Variants in CHN2 observed in about 807,000 individuals in gnomAD.
The protein encoded by CHN2 is beta-chimaerin.
In CHN2, 35 loss-of-function variants were observed where a neutral mutation model predicts 56.3. The ratio of observed to expected loss-of-function variants is 0.62; its 90% CI spans 0.47 to 0.82. CHN2 has a LOEUF of 0.82. CHN2 is among the 40% of genes least tolerant of loss of function. The pLI, the probability that CHN2 is intolerant of heterozygous loss-of-function variation, is 0.00. For missense variants in CHN2, 491 were observed against 580.5 expected, an observed-to-expected ratio of 0.85 and a Z score of 1.58; for synonymous variants, 210 against 212.8, an observed-to-expected ratio of 0.99 and a Z score of 0.12.
chr7:29,319,989 G>A (rs1795221916), intron 1 of CHN2, among the ~76,000 whole-genome samples: 1 of 152,144 alleles, frequency 6.6e-6, no homozygotes, highest in Admixed American at 6.5e-5. Context: ...TGTAAAGTGG[G>A]GAATTGATGA....
chr7:29,334,082 C>T (rs544173872), intron 1 of CHN2, among the ~76,000 whole-genome samples: 51 of 138,784 alleles, frequency 3.7e-4, no homozygotes, highest in African/African-American at 1.4e-3. Flanking sequence ...GACTGAGTCT[C>T]CCTCCATTGC....
chr7:29,254,374 A>ATT (rs1212035202), intron 1 of CHN2, among the ~76,000 whole-genome samples: 8 of 152,378 alleles, frequency 5.3e-5, no homozygotes, highest in African/African-American at 1.9e-4. Flanking sequence ...GATATAAAAC[A>ATT]TATTCAAAGT....
intron 1 of CHN2, among the ~76,000 whole-genome samples, chr7:29,206,640 A>C (rs1784543368): frequency 6.6e-6 from 1 of 152,136 alleles, no homozygotes. Flanking sequence ...GAGCAGAATC[A>C]CATGAATTTA....
chr7:29,473,350 C>G (rs1164405095), intron 6 of CHN2, among the ~76,000 whole-genome samples: 1 of 152,076 alleles, frequency 6.6e-6, no homozygotes, highest in Non-Finnish European at 1.5e-5. Flanking sequence ...AGTCTCAATT[C>G]TAAGAGCACA....
intron 1 of CHN2, among the ~76,000 whole-genome samples, chr7:29,342,835 G>T (rs904020104): frequency 5.9e-5 from 9 of 152,196 alleles, no homozygotes; most frequent in African/African-American, 2.2e-4. Flanking sequence ...GCCAGGGGCC[G>T]GATACCCAGC....
chr7:29,251,460 AT>A (rs1430126812), intron 1 of CHN2, among the ~76,000 whole-genome samples: 2 of 152,218 alleles, frequency 1.3e-5, no homozygotes, highest in African/African-American at 4.8e-5. Context: ...TCTGAAAAAA[AT>A]AAAATAAAAT....
chr7:29,512,492 C>CATACATAATCA (rs1562683004), intron 12 of CHN2, 72 bp from the exon 13 acceptor site: 1 of 1,334,704 alleles, frequency 7.5e-7, no homozygotes, highest in African/African-American at 1.5e-5. Flanking sequence ...TCGGGACTTA[C>CATACATAATCA]ATACATAATC....
At chr7:29,247,987 G>A (rs1028190550) in intron 1 of CHN2, among the ~76,000 whole-genome samples, 1 of 152,228 alleles carries the variant, frequency 6.6e-6, no homozygotes, top group Non-Finnish European at 1.5e-5. Context: ...GCCAGAGTAG[G>A]CCAGTCCACC....
At chr7:29,307,847 C>T (rs1794289891) in intron 1 of CHN2, among the ~76,000 whole-genome samples, 1 of 152,142 alleles carries the variant, frequency 6.6e-6, no homozygotes, top group Admixed American at 6.5e-5. Context: ...CAGAAAGAAC[C>T]CAGCCCAGAA....
intron 6 of CHN2, among the ~76,000 whole-genome samples, chr7:29,434,683 C>T (rs1011236306): frequency 6.6e-6 from 1 of 152,186 alleles, no homozygotes; most frequent in African/African-American, 2.4e-5. Context: ...GATCCTATTT[C>T]CAAATAAGGC....
intron 2 of CHN2, chr7:29,184,274 TATATG>T (rs1355820158): frequency 6.6e-6 from 1 of 150,760 alleles, no homozygotes; most frequent in African/African-American, 2.4e-5. Context: ...ATAGTGGATA[TATATG>T]ATATATATAT....
chr7:29,512,448 C>G, intron 12 of CHN2, 116 bp from the exon 13 acceptor site: 2 of 895,536 alleles, frequency 2.2e-6, no homozygotes, highest in Non-Finnish European at 1.6e-6. Context: ...GATTCCCAAT[C>G]TTTTTCTTGC....
chr7:29,179,673 C>A (rs1420080297), intron 2 of CHN2, among the ~76,000 whole-genome samples: 2 of 152,156 alleles, frequency 1.3e-5, no homozygotes, highest in Admixed American at 6.5e-5. Context: ...AGTAGAGAAA[C>A]CATCAATAAT....
At chr7:29,190,070 C>T (rs914292879), upstream of CHN2, among the ~76,000 whole-genome samples, 1 of 152,236 alleles carries the variant, frequency 6.6e-6, no homozygotes, top group Non-Finnish European at 1.5e-5. Context: ...CCTGAGGAAA[C>T]AGCGGGTTTC....
chr7:29,381,809 CAAAAAAAAAAAAAAAA>C (rs60652952), intron 3 of CHN2, among the ~76,000 whole-genome samples: 2 of 39,512 alleles, frequency 5.1e-5, no homozygotes, highest in South Asian at 1.4e-3. Context: ...CTAAACTAAG[CAAAAAAAAAAAAAAAA>C]AAAAAAAAAA....
intron 4 of CHN2, chr7:29,398,021 G>A (rs998420850): frequency 1.7e-5 from 3 of 174,254 alleles, no homozygotes; most frequent in Non-Finnish European, 2.2e-5. Flanking sequence ...AGCTAAATTG[G>A]TAATTGCTCT....
At chr7:29,448,539 C>T (rs1784186772) in intron 6 of CHN2, among the ~76,000 whole-genome samples, 1 of 152,210 alleles carries the variant, frequency 6.6e-6, no homozygotes, top group Non-Finnish European at 1.5e-5. Context: ...GTGACCCAGT[C>T]TCCTAATACA....
chr7:29,340,170 C>T (rs1053709278), intron 1 of CHN2, among the ~76,000 whole-genome samples: 8 of 151,972 alleles, frequency 5.3e-5, no homozygotes, highest in South Asian at 2.1e-4. Context: ...TCCATGAAAT[C>T]GAGTTGAAGA....
chr7:29,284,688 C>G (rs1191283458), intron 1 of CHN2, among the ~76,000 whole-genome samples: 1 of 152,192 alleles, frequency 6.6e-6, no homozygotes, highest in African/African-American at 2.4e-5. Context: ...GTCTAGCTGA[C>G]TCCATGATTT....
Sources: allele counts gnomAD v4.1 joint callset (sites outside exome capture counted in the v4.1 genomes callset), GRCh38; gene constraint gnomAD v4.1.1; transcripts MANE v1.5; gene names NCBI Gene and HGNC (gene_info 2026-07-23, HGNC 2026-07-21).